CHODL: variants seen among roughly 807,000 people sequenced by gnomAD.
CHODL encodes chondrolectin, also known as transmembrane protein MT75.
A neutral mutation model predicts 34.5 loss-of-function variants in CHODL; 29 were observed. The observed-to-expected ratio is 0.84, with a 90% CI of 0.63 to 1.15. The LOEUF (loss-of-function observed/expected upper bound fraction) is 1.15. CHODL is among the 50% of genes most tolerant of loss of function. The pLI is 0.00. For missense variants in CHODL, 332 were observed against 332.5 expected (o/e 1.00, Z 0.01); for synonymous variants, 125 against 116.1 (o/e 1.08, Z -0.49).
At chr21:18,165,213 C>G (rs937527200) in intron 2 of CHODL, among the ~76,000 whole-genome samples, 1 of 152,212 alleles carries the variant, frequency 6.6e-6, no homozygotes, top group Non-Finnish European at 1.5e-5. Flanking sequence ...TAGTTGAGAA[C>G]TGCTGTACTC....
chr21:18,036,293 G>A lies in CHODL; in HGVS notation c.-45+8322G>A, dbSNP rs1031485147. On this transcript the variant is annotated intron_variant, in intron 2 of 6. Coordinates refer to the CHODL transcript ENST00000400127. ...GTGTCAGTTCTGGGGAATATTACCT[G>A]TAATCCTTTTGGCATTTTATCCTTG... is the stretch of plus-strand genomic sequence containing the variant. Among the ~76,000 whole-genome samples, 4 of 152,100 alleles carry A rather than the reference G, an allele frequency of 2.6e-5. No individual in the cohort carries two copies. The South Asian group carries it at 6.2e-4, about 24-fold the overall frequency.
At chr21:17,918,853 G>A (rs113877926) in intron 1 of CHODL, among the ~76,000 whole-genome samples, 2,726 of 152,310 alleles carry the variant, frequency 0.018, 61 homozygotes, top group South Asian at 0.053. Context: ...ATACAATGGC[G>A]GTACAGGAAT....
At chr21:18,099,165 A>T (rs909987737) in intron 2 of CHODL, among the ~76,000 whole-genome samples, 4 of 152,016 alleles carry the variant, frequency 2.6e-5, no homozygotes, top group African/African-American at 9.7e-5. Flanking sequence ...AAGAACTAGT[A>T]TGTGACAGCA....
intron 2 of CHODL, among the ~76,000 whole-genome samples, chr21:18,108,607 C>T (rs970404080): frequency 6.6e-6 from 1 of 152,282 alleles, no homozygotes; most frequent in East Asian, 1.9e-4. Context: ...ACACCTGATA[C>T]CTTGGCTGCC....
intron 2 of CHODL, among the ~76,000 whole-genome samples, chr21:18,195,306 G>A (rs891997680): frequency 6.6e-4 from 100 of 152,062 alleles, no homozygotes; most frequent in South Asian, 4.2e-4. Context: ...TGCCTGCCTC[G>A]GCCTCCCAAA....
intron 2 of CHODL, among the ~76,000 whole-genome samples, chr21:18,126,582 G>C (rs932502277): frequency 2.6e-5 from 4 of 151,406 alleles, no homozygotes; most frequent in Non-Finnish European, 4.4e-5. Context: ...CCATGAACAC[G>C]GGATATCTTT....
intron 1 of CHODL, among the ~76,000 whole-genome samples, chr21:17,966,112 G>C (rs993217812): frequency 3.3e-5 from 5 of 151,958 alleles, no homozygotes; most frequent in Non-Finnish European, 7.4e-5. Context: ...GTTCAGATTT[G>C]ATAAGAAATG....
intron 2 of CHODL, among the ~76,000 whole-genome samples, chr21:18,136,870 T>C (rs983939088): frequency 1.3e-5 from 2 of 151,208 alleles, no homozygotes; most frequent in South Asian, 2.1e-4. Flanking sequence ...TCTGCTTTGG[T>C]GTGATAATCC....
At chr21:17,954,087 C>A (rs1472512245) in intron 1 of CHODL, among the ~76,000 whole-genome samples, 2 of 151,970 alleles carry the variant, frequency 1.3e-5, no homozygotes, top group African/African-American at 4.8e-5. Context: ...GCAGATTTAA[C>A]ATATAAACAT....
At chr21:18,011,257 A>G (rs1175898182) in intron 1 of CHODL, among the ~76,000 whole-genome samples, 1 of 148,928 alleles carries the variant, frequency 6.7e-6, no homozygotes, top group Admixed American at 6.7e-5. Context: ...CTTAGCTGAG[A>G]AAAAAGTCGA....
chr21:18,093,536 AAGTAGAC>A (rs2065099978), intron 2 of CHODL, among the ~76,000 whole-genome samples: 2 of 152,194 alleles, frequency 1.3e-5, no homozygotes, highest in Admixed American at 1.3e-4. Context: ...CATTTTCAAT[AAGTAGAC>A]AGTACAATGA....
chr21:18,095,923 T>C (rs992199377), intron 2 of CHODL, among the ~76,000 whole-genome samples: 2 of 152,198 alleles, frequency 1.3e-5, no homozygotes, highest in Non-Finnish European at 2.9e-5. Flanking sequence ...TTTCAGTTGA[T>C]ACTAAAACAG....
rs571164453 is a variant in CHODL, at chr21:18,149,451, G to A, written c.-44-107058G>A. 7.2e-5 allele frequency among the ~76,000 whole-genome samples: 11 copies of A among 152,062 alleles called. 1 individual carries two copies. In the South Asian group the frequency reaches 2.3e-3, roughly 32 times the overall value. On this transcript the variant is annotated intron_variant, in intron 2 of 6. Coordinates refer to the CHODL transcript ENST00000400127. ...CTATCAAATATTTACAAGAAATTTG[G>A]GGGGGTTCTTTTTTAAAGGAAGGAA...
chr21:18,260,455 T>C (rs1046710806), intron 4 of CHODL, among the ~76,000 whole-genome samples, 169 bp downstream of exon 4: 12 of 152,194 alleles, frequency 7.9e-5, no homozygotes, highest in African/African-American at 2.4e-4. Context: ...GCTAAGCTAG[T>C]ATTTGAATAG....
chr21:17,959,430 A>G (rs1226145460), intron 1 of CHODL, among the ~76,000 whole-genome samples: 2 of 152,202 alleles, frequency 1.3e-5, no homozygotes, highest in Non-Finnish European at 2.9e-5. Flanking sequence ...CTCTAAATTA[A>G]CAAGCCATTT....
At chr21:17,920,011 C>T (rs2047341320) in intron 1 of CHODL, among the ~76,000 whole-genome samples, 2 of 152,178 alleles carry the variant, frequency 1.3e-5, no homozygotes, top group South Asian at 4.1e-4. Flanking sequence ...TCTGAGATCA[C>T]CTTAGCCTGG....
chr21:18,100,518 C>A lies in CHODL; in HGVS notation c.-45+72547C>A, dbSNP rs549549777. Among the ~76,000 whole-genome samples, 8 of 152,132 alleles carry A rather than the reference C, an allele frequency of 5.3e-5. No homozygotes were observed. The South Asian group carries it at 8.3e-4, about 16-fold the overall frequency. On this transcript the variant is annotated intron_variant, in intron 2 of 6. Transcript: ENST00000400127. ...TCTTGTGTAGTAAGAATTCCATATG[C>A]AATTCCTAATGTTCATAGATAAGTA...
intron 2 of CHODL, among the ~76,000 whole-genome samples, chr21:18,203,635 T>C (rs1215215304): frequency 6.6e-6 from 1 of 152,134 alleles, no homozygotes; most frequent in South Asian, 2.1e-4. Flanking sequence ...TTTTTACTAC[T>C]TTCTCTCATT....
chr21:18,151,420 G>C (rs908827934), intron 2 of CHODL, among the ~76,000 whole-genome samples: 3 of 152,180 alleles, frequency 2.0e-5, no homozygotes, highest in African/African-American at 7.2e-5. Flanking sequence ...GTCATGCCCA[G>C]GGAAGGCATG....
Sources: allele counts gnomAD v4.1 joint callset (sites outside exome capture counted in the v4.1 genomes callset), GRCh38; gene constraint gnomAD v4.1.1; transcripts MANE v1.5; gene names NCBI Gene and HGNC (gene_info 2026-07-23, HGNC 2026-07-21).